ACADVL: variants seen among roughly 807,000 people sequenced by gnomAD.
The protein encoded by ACADVL is acyl-CoA dehydrogenase very long chain.
A neutral mutation model predicts 80.4 loss-of-function variants in ACADVL; 73 were observed. The ratio of observed to expected loss-of-function variants is 0.91; its 90% CI spans 0.75 to 1.10. ACADVL has a LOEUF of 1.10. Ranked by LOEUF, ACADVL falls within the 50% of genes least tolerant of loss-of-function variation. The pLI is 0.00. For missense variants in ACADVL, 878 were observed against 858.9 expected (o/e 1.02, Z -0.28); for synonymous variants, 392 against 326.5 (o/e 1.20, Z -2.16).
chr17:7,217,197 A>T, upstream of ACADVL: 1 of 1,262,792 alleles, frequency 7.9e-7, no homozygotes. Context: ...ACTTCATCGG[A>T]GTTTCGTTCC....
Position 7,219,977 on chromosome 17 carries a change from A to G in ACADVL, c.-8A>G, listed in dbSNP as rs1457295630. 6 of 1,600,906 alleles carry G rather than the reference A, an allele frequency of 3.7e-6. No homozygotes were observed. The East Asian group carries it at 1.3e-4, about 36-fold the overall frequency. On this transcript the variant is annotated 5_prime_UTR_variant, in exon 1 of 20. Coordinates refer to ENST00000356839, the MANE Select transcript of ACADVL (RefSeq NM_000018.4). ...GCTCGAGCCAGCGGCGCCCGGAGAG[A>G]TTCGGAGATGCAGGCGGCTCGGATG...
Position 7,224,241 on chromosome 17 carries a change from G to A in ACADVL, c.1530G>A (p.Arg510=), listed in dbSNP as rs2142987170. The A allele has an allele frequency of 1.2e-6, 2 of 1,613,876 alleles. No homozygotes were observed. The highest frequency in any genetic ancestry group is 1.7e-6 in the Non-Finnish European group (2 of 1,180,026). ...TAGGAGAGGCAGGCAAACAGCTGAG[G>A]CGGTAGGCTTAGGGCCAGAGCCAGG... The part of the protein sequence containing the change: ...LLLGEAGKQL[R]RRAGLGSGLS... The change falls in exon 15 of 20, where the codon AGG becomes AGA. Residue 510 remains arginine (R), a splice_region_variant and synonymous_variant. Coordinates refer to ENST00000356839, the MANE Select transcript of ACADVL (RefSeq NM_000018.4).
At chr17:7,220,429 C>T in intron 2 of ACADVL, 35 bp from the exon 3 acceptor site, 1 of 1,613,378 alleles carries the variant, frequency 6.2e-7, no homozygotes, top group South Asian at 1.1e-5. Flanking sequence ...AGCGGAAGTC[C>T]CTTCCCTGAA....
chr17:7,221,104 T>G, intron 6 of ACADVL, 46 bp downstream of exon 6: 1 of 1,611,682 alleles, frequency 6.2e-7, no homozygotes, highest in East Asian at 2.2e-5. Context: ...TACCCCAGCT[T>G]GGCAGACTCA....
At chr17:7,217,936 G>C, upstream of ACADVL, 2 of 965,162 alleles carry the variant, frequency 2.1e-6, no homozygotes, top group South Asian at 3.1e-5. Flanking sequence ...TGTGAGGGAG[G>C]AGCTGAAGGA....
chr17:7,224,426 C>T (rs755326898), intron 16 of ACADVL, 33 bp downstream of exon 16: 12 of 1,613,714 alleles, frequency 7.4e-6, no homozygotes, highest in Non-Finnish European at 1.0e-5. Context: ...GAGCCTGCAT[C>T]AGGGACTGCA....
rs776565824 is a variant in ACADVL at position 7,224,569 on chromosome 17, C to T, written c.1678+17C>T. The T allele has an allele frequency of 1.3e-5, 21 of 1,609,388 alleles. No individual in the cohort carries two copies. Among genetic ancestry groups the T allele is most frequent in the Non-Finnish European group, 1.8e-5 (21 of 1,179,838 alleles). The stretch of plus-strand genomic sequence containing the variant: ...GGATTGTCAGTAAGTGAGCTCTACA[C>T]CATTCCGCCCCTCCCTTTCCTCTCC... On this transcript the variant is annotated intron_variant, in intron 17 of 19. Coordinates refer to ENST00000356839, the MANE Select transcript of ACADVL (RefSeq NM_000018.4).
At chr17:7,218,804 C>T (rs770851170), upstream of ACADVL, 2 of 1,613,656 alleles carry the variant, frequency 1.2e-6, no homozygotes, top group South Asian at 2.2e-5. Context: ...CCCAGACCTC[C>T]CCTCCACAAG....
chr17:7,222,941 C>A, intron 10 of ACADVL, 76 bp downstream of exon 10: 1 of 1,547,838 alleles, frequency 6.5e-7, no homozygotes, highest in Non-Finnish European at 8.8e-7. Context: ...TCCCTGATCA[C>A]TTGCAGGCAC....
chr17:7,224,094 T>C (rs767876585), intron 14 of ACADVL, 25 bp downstream of exon 14: 24 of 1,610,164 alleles, frequency 1.5e-5, no homozygotes, highest in Non-Finnish European at 2.0e-5. Context: ...TGGGTGGGGG[T>C]AGAGGTGGGG....
intron 6 of ACADVL, 69 bp downstream of exon 6, chr17:7,221,127 T>C (rs1349843610): frequency 4.4e-6 from 7 of 1,609,000 alleles, no homozygotes; most frequent in South Asian, 1.1e-5. Context: ...TCTTTTGCCA[T>C]AGACCTAGAG....
At chr17:7,223,576 G>C in intron 11 of ACADVL, 68 bp from the exon 12 acceptor site, 1 of 1,547,436 alleles carries the variant, frequency 6.5e-7, no homozygotes, top group Non-Finnish European at 8.9e-7. Flanking sequence ...GGAGATCTGG[G>C]TGATGAGGCC....
In ACADVL at chr17:7,220,154, G is replaced by T; in HGVS notation, c.95G>T (p.Arg32Leu). 6.5e-7 allele frequency: 1 copy of T among 1,545,602 alleles called. No homozygotes were observed. The highest frequency in any genetic ancestry group is 8.7e-7 in the Non-Finnish European group (1 of 1,152,210). Residue 32 changes from arginine (R) to leucine (L), a missense_variant, in exon 2 of 20, where the codon CGG (arginine) becomes CTG (leucine). Transcript: ENST00000356839. Reference protein sequence around the residue: ...SRLTALLGQPRPGPARRPYAG... With the variant: ...SRLTALLGQPLPGPARRPYAG... ...CTCACGGCGCTCCTGGGGCAGCCCC[G>T]GCCCGGCCCTGCCCGGCGGCCCTAT...
At chr17:7,220,341 C>T in intron 2 of ACADVL, 123 bp from the exon 3 acceptor site, 1 of 1,552,474 alleles carries the variant, frequency 6.4e-7, no homozygotes, top group Non-Finnish European at 8.8e-7. Context: ...GCCAGGGTGC[C>T]CTAGGGCGAA....
chr17:7,224,938 C>A lies in ACADVL; in HGVS notation c.1828-19C>A, dbSNP rs1404046781. 1 of 1,613,954 alleles carries A rather than the reference C, an allele frequency of 6.2e-7. No homozygotes were observed. The highest frequency in any genetic ancestry group is 8.5e-7 in the Non-Finnish European group (1 of 1,179,984). ...GAGGGCTGGAGGTGCAGGCCCAACCCCTCCTTCCCTCTCCCCAGGCTGCAG... is the reference window on the plus strand; with the variant it reads ...GAGGGCTGGAGGTGCAGGCCCAACCACTCCTTCCCTCTCCCCAGGCTGCAG... On this transcript the variant is annotated intron_variant, in intron 19 of 19. Transcript: ENST00000356839.
chr17:7,221,793 GT>G, intron 7 of ACADVL, 111 bp downstream of exon 7: 1 of 1,594,792 alleles, frequency 6.3e-7, no homozygotes, highest in Non-Finnish European at 8.6e-7. Context: ...TTGGGGGAAG[GT>G]TTTGGGGAGG....
In ACADVL at chr17:7,222,168, C is replaced by T. The variant is rs1262931604; in HGVS notation, c.753-9C>T. ...TCCTCCACGCCCTGAATATCCCATTCTTCCACAGTAATGGGGGCCTAGCAG... is the reference window on the plus strand; with the variant it reads ...TCCTCCACGCCCTGAATATCCCATTTTTCCACAGTAATGGGGGCCTAGCAG... On this transcript the variant is annotated splice_polypyrimidine_tract_variant and intron_variant, in intron 8 of 19. Transcript: ENST00000356839. 2 of 1,614,180 alleles carry T rather than the reference C, an allele frequency of 1.2e-6. No individual in the cohort carries two copies. The highest frequency in any genetic ancestry group is 1.7e-6 in the Non-Finnish European group (2 of 1,180,036).
In ACADVL at chr17:7,224,579, C is replaced by T. The variant is rs759729168; in HGVS notation, c.1678+27C>T. On this transcript the variant is annotated intron_variant, in intron 17 of 19. Coordinates refer to ENST00000356839, the MANE Select transcript of ACADVL (RefSeq NM_000018.4). Reference sequence around the variant, plus strand: ...TAAGTGAGCTCTACACCATTCCGCCCCTCCCTTTCCTCTCCTTGAGACTAA... The same window carrying T: ...TAAGTGAGCTCTACACCATTCCGCCTCTCCCTTTCCTCTCCTTGAGACTAA... 10 of 1,606,646 alleles carry T rather than the reference C, an allele frequency of 6.2e-6. No individual in the cohort carries two copies. The South Asian group carries it at 9.9e-5, about 16-fold the overall frequency.
At chr17:7,221,800 G>A in intron 7 of ACADVL, 118 bp downstream of exon 7, 1 of 1,591,654 alleles carries the variant, frequency 6.3e-7, no homozygotes. Context: ...AAGGTTTTGG[G>A]GAGGCATCAC....
Sources: gnomAD v4.1 joint callset for allele counts on GRCh38, gnomAD v4.1.1 for gene constraint, MANE v1.5 for transcripts, NCBI Gene and HGNC (gene_info 2026-07-23, HGNC 2026-07-21) for gene names.